Variants in EYS observed in about 807,000 individuals in gnomAD.
EYS encodes EGF-like photoreceptor maintenance factor, also known as protein eyes shut homolog.
EYS carries 250 observed loss-of-function variants against 282.1 expected under a neutral mutation model. That is an observed-to-expected ratio of 0.89 (90% CI 0.80 to 0.98). The LOEUF is 0.98. Ranked by LOEUF, EYS falls within the 50% of genes least tolerant of loss-of-function variation. The pLI is 0.00. For missense variants in EYS, 4,016 were observed against 3,709.0 expected, an observed-to-expected ratio of 1.08 and a Z score of -2.15; for synonymous variants, 1,355 against 1,282.9, an observed-to-expected ratio of 1.06 and a Z score of -1.20.
intron 35 of EYS, among the ~76,000 whole-genome samples, chr6:63,882,538 T>C (rs552040264): frequency 6.6e-6 from 1 of 152,330 alleles, no homozygotes; most frequent in South Asian, 2.1e-4. Context: ...TTCCAGGCAC[T>C]GCTAGGCACT....
chr6:64,165,887 T>A (rs948584140), intron 31 of EYS, among the ~76,000 whole-genome samples: 2 of 152,210 alleles, frequency 1.3e-5, no homozygotes, highest in Admixed American at 6.5e-5. Flanking sequence ...TTATGCCCAA[T>A]TCTGAAAGTA....
At chr6:64,095,984 T>A (rs1772595468) in intron 31 of EYS, among the ~76,000 whole-genome samples, 1 of 152,220 alleles carries the variant, frequency 6.6e-6, no homozygotes, top group Admixed American at 6.5e-5. Flanking sequence ...TGCTTATCTG[T>A]AAAGTATTTT....
intron 5 of EYS, among the ~76,000 whole-genome samples, chr6:65,430,465 G>A (rs1767841942): frequency 6.6e-6 from 1 of 152,114 alleles, no homozygotes; most frequent in Non-Finnish European, 1.5e-5. Context: ...TAAGGCATAA[G>A]TTTCTAGGCC....
chr6:65,149,585 T>C (rs1404539457), intron 12 of EYS, among the ~76,000 whole-genome samples: 1 of 151,382 alleles, frequency 6.6e-6, no homozygotes, highest in Admixed American at 6.6e-5. Flanking sequence ...CTCAACTCCA[T>C]CTGAGACCAC....
At chr6:64,635,610 ATATGC>A (rs1202968475) in intron 22 of EYS, among the ~76,000 whole-genome samples, 15 of 152,172 alleles carry the variant, frequency 9.9e-5, no homozygotes, top group African/African-American at 3.6e-4. Context: ...GGTTCTGTTT[ATATGC>A]TGGATTACAT....
intron 2 of EYS, among the ~76,000 whole-genome samples, chr6:65,509,115 G>A (rs763572415): frequency 2.0e-5 from 3 of 152,170 alleles, no homozygotes; most frequent in Non-Finnish European, 4.4e-5. Flanking sequence ...GAGGAGTAAC[G>A]TACTATAAAC....
rs117154207 is a variant in EYS, at chr6:65,271,785, C to T, written c.2023+24078G>A. On this transcript the variant is annotated intron_variant, in intron 12 of 42. Coordinates refer to ENST00000503581, the MANE Select transcript of EYS (RefSeq NM_001142800.2). Reference sequence around the variant, plus strand: ...TTTTAGTAGAGACTGCATTTCACCACGTTGGCCAGGCTAGTCTTGAACTCC... The same window carrying T: ...TTTTAGTAGAGACTGCATTTCACCATGTTGGCCAGGCTAGTCTTGAACTCC... Among the ~76,000 whole-genome samples the T allele has an allele frequency of 7.3e-3, 1,106 of 151,966 alleles. 42 individuals carry two copies. The East Asian group carries it at 0.078, about 11-fold the overall frequency.
chr6:65,531,897 C>A (rs1767783275), intron 2 of EYS, among the ~76,000 whole-genome samples: 1 of 152,134 alleles, frequency 6.6e-6, no homozygotes. Context: ...CTTTCATTAA[C>A]CTAATTCACA....
At chr6:64,502,222 T>G (rs752490731) in intron 26 of EYS, among the ~76,000 whole-genome samples, 7 of 54,582 alleles carry the variant, frequency 1.3e-4, no homozygotes, top group South Asian at 9.0e-4. Context: ...AGCAGGCTGG[T>G]TTTTTTTTTG....
chr6:63,822,722 C>T (rs763778872), intron 36 of EYS: 36 of 152,282 alleles, frequency 2.4e-4, no homozygotes, highest in Non-Finnish European at 4.4e-4. Flanking sequence ...TTCTTTTCTA[C>T]TATGAGTATT....
At chr6:64,085,695 A>G (rs1280184596) in intron 31 of EYS, among the ~76,000 whole-genome samples, 12 of 152,174 alleles carry the variant, frequency 7.9e-5, no homozygotes, top group East Asian at 7.7e-4. Context: ...GTTTATGCCT[A>G]TAACTTGTGA....
chr6:63,746,385 C>CT (rs1413151110), intron 41 of EYS, among the ~76,000 whole-genome samples: 2 of 152,032 alleles, frequency 1.3e-5, no homozygotes, highest in African/African-American at 2.4e-5. Context: ...CTAAAATTCT[C>CT]TTTTTTTGGT....
chr6:64,314,845 A>G (rs1278733406), intron 29 of EYS, among the ~76,000 whole-genome samples: 1 of 152,180 alleles, frequency 6.6e-6, no homozygotes, highest in Non-Finnish European at 1.5e-5. Flanking sequence ...TTGACAGCCT[A>G]ATATCACAAT....
intron 31 of EYS, among the ~76,000 whole-genome samples, chr6:64,175,482 T>G (rs1318798042): frequency 1.3e-5 from 2 of 152,180 alleles, no homozygotes; most frequent in Non-Finnish European, 2.9e-5. Context: ...TTTGCCCAAC[T>G]GCTTCGTGAG....
chr6:64,660,724 A>G (rs985189576), intron 22 of EYS, among the ~76,000 whole-genome samples: 2 of 152,212 alleles, frequency 1.3e-5, no homozygotes, highest in Non-Finnish European at 2.9e-5. Flanking sequence ...ACCACTGCTC[A>G]ATGAAATAAA....
chr6:65,198,198 CTT>C, intron 12 of EYS, among the ~76,000 whole-genome samples: 1 of 152,170 alleles, frequency 6.6e-6, no homozygotes, highest in East Asian at 1.9e-4. Flanking sequence ...ATATCACTGT[CTT>C]CTACCGCCAC....
chr6:64,749,271 T>C (rs1242404539), intron 22 of EYS, among the ~76,000 whole-genome samples: 1 of 152,208 alleles, frequency 6.6e-6, no homozygotes, highest in African/African-American at 2.4e-5. Context: ...AGATTATACC[T>C]TTTGTACACC....
intron 12 of EYS, among the ~76,000 whole-genome samples, chr6:65,152,118 A>ACCCC (rs1164361176): frequency 6.6e-6 from 1 of 151,982 alleles, no homozygotes; most frequent in Non-Finnish European, 1.5e-5. Context: ...TCATAGTTGC[A>ACCCC]CCCATTGCCT....
At chr6:63,804,967 C>A (rs936657723) in intron 37 of EYS, among the ~76,000 whole-genome samples, 6 of 152,114 alleles carry the variant, frequency 3.9e-5, no homozygotes, top group African/African-American at 1.4e-4. Flanking sequence ...CCCATCCTAG[C>A]AGACATGGTG....
Sources: allele counts gnomAD v4.1 joint callset (sites outside exome capture counted in the v4.1 genomes callset), GRCh38; gene constraint gnomAD v4.1.1; transcripts MANE v1.5; gene names NCBI Gene and HGNC (gene_info 2026-07-23, HGNC 2026-07-21).